The following PATJ variants were observed in gnomAD, a reference collection of about 807,000 sequenced individuals.
PATJ encodes inaD-like protein.
PATJ carries 190 observed loss-of-function variants against 224.9 expected under a neutral mutation model. That is an observed-to-expected ratio of 0.84 (90% CI 0.75 to 0.95). The LOEUF (loss-of-function observed/expected upper bound fraction) is 0.95. Among genes scored for constraint, PATJ ranks in the 40% least tolerant of loss-of-function variants. The pLI is 0.00. For synonymous variants in PATJ, 769 were observed against 820.3 expected (o/e 0.94, Z 1.07); for missense variants, 2,121 against 2,270.3 (o/e 0.93, Z 1.34).
At chr1:61,843,701 C>G (rs1310840248) in intron 17 of PATJ, among the ~76,000 whole-genome samples, 2 of 139,364 alleles carry the variant, frequency 1.4e-5, no homozygotes, top group Non-Finnish European at 3.0e-5. Context: ...GCCTGGGTGA[C>G]AGAGTGAGAT....
At position 61,899,640 on chromosome 1, in the gene PATJ, G is replaced by T; in HGVS notation, c.3189G>T (p.Trp1063Cys). Residue 1063 changes from tryptophan to cysteine, a missense_variant, in exon 23 of 44, where the codon TGG becomes TGT. Trp to Cys is a radical substitution (Grantham distance 215). Coordinates refer to ENST00000642238, the MANE Select transcript of PATJ (RefSeq NM_001350145.3). ...AAGAAACTCCAAATTTTAGCCACTG[G>T]GGTCCACCGAGAATGTATGTGGATG... ...EGEETPNFSH[W>C]GPPRIVEIFR... 1 of 1,610,632 alleles carries T rather than the reference G, an allele frequency of 6.2e-7. No individual in the cohort carries two copies. Among genetic ancestry groups the T allele is most frequent in the Non-Finnish European group, 8.5e-7 (1 of 1,178,408 alleles).
At chr1:62,115,872 A>T (rs529822098) in intron 35 of PATJ, among the ~76,000 whole-genome samples, 4 of 150,732 alleles carry the variant, frequency 2.7e-5, no homozygotes, top group African/African-American at 9.8e-5. Context: ...TCATAATTTC[A>T]TTTTTTTTTA....
At chr1:61,772,420 A>G (rs1646672287) in intron 6 of PATJ, among the ~76,000 whole-genome samples, 1 of 152,192 alleles carries the variant, frequency 6.6e-6, no homozygotes, top group Admixed American at 6.5e-5. Context: ...TGAAAGAATA[A>G]AAGTGTATGT....
chr1:61,927,970 T>C (rs992110687), intron 27 of PATJ, 141 bp downstream of exon 27: 64 of 610,126 alleles, frequency 1.0e-4, no homozygotes, highest in Non-Finnish European at 4.7e-5. Context: ...ATCTATACCT[T>C]TGAAGCTTTT....
At chr1:61,825,682 G>A (rs995495159) in intron 15 of PATJ, among the ~76,000 whole-genome samples, 1 of 152,154 alleles carries the variant, frequency 6.6e-6, no homozygotes, top group Non-Finnish European at 1.5e-5. Context: ...TAGCAACAGA[G>A]CAGTGAGGAG....
intron 27 of PATJ, among the ~76,000 whole-genome samples, chr1:61,934,439 G>A (rs764025153): frequency 6.6e-6 from 1 of 152,078 alleles, no homozygotes; most frequent in Non-Finnish European, 1.5e-5. Context: ...TATCACCACA[G>A]TTTTAGTAAT....
Position 61,776,145 on chromosome 1 carries a change from A to T in PATJ, c.849+811A>T, listed in dbSNP as rs1173942558. On this transcript the variant is annotated intron_variant, in intron 7 of 43. Coordinates refer to ENST00000642238, the MANE Select transcript of PATJ (RefSeq NM_001350145.3). Reference sequence around the variant, plus strand: ...TTTCTGATCACTATTGCTTCACCTTATGCAGCTTGTGGAGCCACTGATGTT... The same window carrying T: ...TTTCTGATCACTATTGCTTCACCTTTTGCAGCTTGTGGAGCCACTGATGTT... 3.3e-5 allele frequency among the ~76,000 whole-genome samples: 5 copies of T among 152,298 alleles called. No homozygotes were observed. The East Asian group carries it at 9.7e-4, about 29-fold the overall frequency.
At chr1:61,743,113 C>T (rs556604996) in intron 1 of PATJ, among the ~76,000 whole-genome samples, 1 of 152,152 alleles carries the variant, frequency 6.6e-6, no homozygotes, top group African/African-American at 2.4e-5. Context: ...GACTTGGGCC[C>T]GGCCGCGTCG....
chr1:61,807,352 ATTT>A (rs1653802720), intron 13 of PATJ, among the ~76,000 whole-genome samples: 9 of 151,652 alleles, frequency 5.9e-5, no homozygotes. Context: ...AATTTTTCAA[ATTT>A]TTTTAGAGAT....
At chr1:61,823,706 AGAT>A (rs1317124504) in intron 15 of PATJ, among the ~76,000 whole-genome samples, 6 of 152,212 alleles carry the variant, frequency 3.9e-5, no homozygotes, top group Non-Finnish European at 8.8e-5. Context: ...GCTTTAGCCA[AGAT>A]CAGAATCCCA....
chr1:61,875,513 A>T, intron 21 of PATJ, 147 bp downstream of exon 21: 1 of 582,052 alleles, frequency 1.7e-6, no homozygotes, highest in Non-Finnish European at 2.9e-6. Context: ...TCTGCTTCAG[A>T]ATTACCTGAA....
At position 61,795,537 on chromosome 1, in the gene PATJ, A is replaced by G. The variant is rs781426877; in HGVS notation, c.1239A>G (p.Gln413=). ...GSAAYHNGHI[Q]VNDKIVAVDG... is the part of the protein sequence containing the mutation. ...CTGCGTACCACAATGGCCACATTCA[A>G]GTGAATGACAAAATAGTTGCTGTAA... The change falls in exon 10 of 44, where the codon CAA becomes CAG. Residue 413 remains glutamine, a synonymous_variant. Coordinates refer to ENST00000642238, the MANE Select transcript of PATJ (RefSeq NM_001350145.3). 2.5e-6 allele frequency: 4 copies of G among 1,608,382 alleles called. No homozygotes were observed. The highest frequency in any genetic ancestry group is 2.2e-5 in the South Asian group (2 of 90,484).
intron 37 of PATJ, among the ~76,000 whole-genome samples, chr1:62,118,262 T>C (rs1028573862): frequency 1.3e-5 from 2 of 151,962 alleles, no homozygotes; most frequent in African/African-American, 4.8e-5. Flanking sequence ...TGCTGTAGGA[T>C]TCCATGAGTT....
At chr1:61,965,600 C>CTAAG (rs1360556015) in intron 27 of PATJ, among the ~76,000 whole-genome samples, 1 of 152,128 alleles carries the variant, frequency 6.6e-6, no homozygotes, top group Non-Finnish European at 1.5e-5. Context: ...TAGCAGGAGG[C>CTAAG]TAAGTAGTTC....
chr1:62,082,594 T>C (rs934570373), intron 32 of PATJ, among the ~76,000 whole-genome samples: 11 of 152,132 alleles, frequency 7.2e-5, no homozygotes, highest in African/African-American at 2.4e-4. Flanking sequence ...AAGAAGTAGA[T>C]TGTAAATATT....
chr1:62,118,400 A>G (rs932006848), intron 37 of PATJ, among the ~76,000 whole-genome samples: 1 of 152,182 alleles, frequency 6.6e-6, no homozygotes, highest in African/African-American at 2.4e-5. Flanking sequence ...TATACAGAAG[A>G]TTAGAATGAA....
chr1:61,931,475 C>T (rs2149304442), intron 27 of PATJ, among the ~76,000 whole-genome samples: 1 of 152,038 alleles, frequency 6.6e-6, no homozygotes, highest in Non-Finnish European at 1.5e-5. Context: ...TAAGAAAAGC[C>T]CAAATAGGCT....
chr1:61,900,108 G>A (rs1260067525), intron 23 of PATJ, among the ~76,000 whole-genome samples: 1 of 152,156 alleles, frequency 6.6e-6, no homozygotes, highest in Admixed American at 6.5e-5. Context: ...GGATCTGGGG[G>A]AAGTTTTAAG....
intron 14 of PATJ, among the ~76,000 whole-genome samples, chr1:61,812,407 TGAGAGAGAGAGA>T (rs769833245): frequency 1.3e-5 from 1 of 79,668 alleles, no homozygotes; most frequent in Admixed American, 1.2e-4. Flanking sequence ...TGTGAGTGAC[TGAGAGAGAGAGA>T]GAGAGAGAGA....
Sources: allele counts gnomAD v4.1 joint callset (sites outside exome capture counted in the v4.1 genomes callset), GRCh38; gene constraint gnomAD v4.1.1; transcripts MANE v1.5; gene names NCBI Gene and HGNC (gene_info 2026-07-23, HGNC 2026-07-21).